ANKRD11: variants seen among roughly 807,000 people sequenced by gnomAD.
The protein encoded by ANKRD11 is ankyrin repeat domain 11, also known as ankyrin repeat domain-containing protein 11.
Under a neutral mutation model 195.7 loss-of-function variants are expected in ANKRD11, and 17 were observed. That is an observed-to-expected ratio of 0.09 (90% confidence interval 0.06 to 0.13). The LOEUF (loss-of-function observed/expected upper bound fraction) is 0.13. ANKRD11 is among the 10% of genes least tolerant of loss of function. The pLI is 1.00. For missense variants in ANKRD11, 3,735 were observed against 3,566.1 expected, an observed-to-expected ratio of 1.05 and a Z score of -1.21; for synonymous variants, 1,953 against 1,528.1, an observed-to-expected ratio of 1.28 and a Z score of -6.49.
chr16:89,275,755 C>A (rs1254366817), intron 9 of ANKRD11, among the ~76,000 whole-genome samples: 1 of 152,322 alleles, frequency 6.6e-6, no homozygotes, highest in East Asian at 1.9e-4. Flanking sequence ...CACTGCACTC[C>A]CACCAGCAGA....
chr16:89,372,697 T>C (rs2040246947), intron 2 of ANKRD11, among the ~76,000 whole-genome samples: 1 of 152,172 alleles, frequency 6.6e-6, no homozygotes. Flanking sequence ...CAACCCGAGC[T>C]GGTCAAATGC....
At chr16:89,433,302 A>T (rs1285580006) in intron 1 of ANKRD11, among the ~76,000 whole-genome samples, 2 of 152,230 alleles carry the variant, frequency 1.3e-5, no homozygotes, top group Non-Finnish European at 2.9e-5. Context: ...AGGCTCTTTC[A>T]GTCTGCTAAC....
intron 2 of ANKRD11, among the ~76,000 whole-genome samples, chr16:89,328,115 T>G (rs1209749795): frequency 1.3e-5 from 2 of 151,644 alleles, no homozygotes; most frequent in African/African-American, 4.9e-5. Flanking sequence ...CTCGACATCC[T>G]AAGCCGTTAG....
intron 2 of ANKRD11, among the ~76,000 whole-genome samples, chr16:89,338,078 A>G (rs540434746): frequency 6.6e-6 from 1 of 152,298 alleles, no homozygotes; most frequent in African/African-American, 2.4e-5. Flanking sequence ...TCTGCCACTC[A>G]GGAGCCCCAG....
intron 1 of ANKRD11, among the ~76,000 whole-genome samples, chr16:89,435,224 A>C (rs2043162191): frequency 6.6e-6 from 1 of 152,184 alleles, no homozygotes; most frequent in African/African-American, 2.4e-5. Context: ...AAGGTTTATA[A>C]ACTAACCAAT....
chr16:89,370,235 T>C (rs925203851), intron 2 of ANKRD11, among the ~76,000 whole-genome samples: 5 of 152,204 alleles, frequency 3.3e-5, no homozygotes, highest in Admixed American at 2.6e-4. Flanking sequence ...GGGGAGCCCA[T>C]GTCCAGGGGT....
intron 2 of ANKRD11, among the ~76,000 whole-genome samples, chr16:89,390,472 G>GA (rs1232573859): frequency 6.6e-6 from 1 of 152,084 alleles, no homozygotes; most frequent in African/African-American, 2.4e-5. Flanking sequence ...GTGGAGGGCA[G>GA]AAAAAAATAC....
At chr16:89,311,039 C>A (rs1597581391) in intron 3 of ANKRD11, among the ~76,000 whole-genome samples, 1 of 152,352 alleles carries the variant, frequency 6.6e-6, no homozygotes, top group East Asian at 1.9e-4. Context: ...TTCACAGATG[C>A]TCTCTGTCAG....
chr16:89,486,721 T>A (rs1380019062), intron 1 of ANKRD11, among the ~76,000 whole-genome samples: 1 of 152,042 alleles, frequency 6.6e-6, no homozygotes, highest in Admixed American at 6.6e-5. Context: ...AAATAACATT[T>A]GAGGCCAGGC....
intron 2 of ANKRD11, among the ~76,000 whole-genome samples, chr16:89,405,956 A>G (rs1278309618): frequency 6.6e-6 from 1 of 152,114 alleles, no homozygotes; most frequent in Non-Finnish European, 1.5e-5. Context: ...CTAAAAAGAC[A>G]AAAACTTACC....
rs371870143 is a variant in ANKRD11 at position 89,317,058 on chromosome 16, C to T, written c.-39G>A. 29 of 1,592,922 alleles carry T rather than the reference C, an allele frequency of 1.8e-5. No individual in the cohort carries two copies. The highest frequency in any genetic ancestry group is 5.6e-5 in the South Asian group (5 of 88,710). On this transcript the variant is annotated 5_prime_UTR_variant, in exon 3 of 13. Transcript: ENST00000301030. ...ACCCGATCTTCATTTACACGGCCGG[C>T]GCTTCATCATCAACCGTCTGCTTCA...
intron 2 of ANKRD11, among the ~76,000 whole-genome samples, chr16:89,379,917 T>C (rs2040573613): frequency 6.6e-6 from 1 of 152,176 alleles, no homozygotes; most frequent in Non-Finnish European, 1.5e-5. Context: ...GACACTGACC[T>C]TTTCAGTTTT....
At chr16:89,336,055 T>C (rs1428166324) in intron 2 of ANKRD11, among the ~76,000 whole-genome samples, 2 of 152,250 alleles carry the variant, frequency 1.3e-5, no homozygotes, top group Admixed American at 1.3e-4. Flanking sequence ...CCTTAGATAC[T>C]ATTCCTGCCA....
intron 2 of ANKRD11, among the ~76,000 whole-genome samples, chr16:89,349,596 T>C (rs1375408884): frequency 1.5e-4 from 23 of 152,106 alleles, no homozygotes; most frequent in Admixed American, 1.5e-3. Context: ...TAATTGAATA[T>C]CCTCATGCAA....
chr16:89,297,123 G>T (rs564333788), intron 4 of ANKRD11, among the ~76,000 whole-genome samples: 2 of 152,338 alleles, frequency 1.3e-5, no homozygotes, highest in Admixed American at 1.3e-4. Context: ...ACGTGGAGGT[G>T]TGTGGCCTCA....
chr16:89,281,764 T>C lies in ANKRD11; in HGVS notation c.4778A>G (p.Glu1593Gly). The change falls in exon 9 of 13, where the codon GAG becomes GGG. Residue 1593 changes from glutamate (E) to glycine (G), a missense_variant. Coordinates refer to ENST00000301030, the MANE Select transcript of ANKRD11 (RefSeq NM_013275.6). The surrounding 1 kb of genome is among the most constrained non-coding windows in gnomAD (Gnocchi z 5.5). ...GTGCCGCTTGTGGCGCTCCTCGATC[T>C]CCAGGTCCTTCTGGGACAGCATCCT... is the stretch of plus-strand genomic sequence containing the variant. ...FERMLSQKDLEIEERHKRHKE... is the reference protein window; with the variant it reads ...FERMLSQKDLGIEERHKRHKE... 1 of 1,614,010 alleles carries C rather than the reference T, an allele frequency of 6.2e-7. No homozygotes were observed. Among genetic ancestry groups the C allele is most frequent in the Non-Finnish European group, 8.5e-7 (1 of 1,180,004 alleles).
intron 2 of ANKRD11, among the ~76,000 whole-genome samples, chr16:89,405,524 G>T: frequency 6.7e-6 from 1 of 148,860 alleles, no homozygotes; most frequent in African/African-American, 2.5e-5. Flanking sequence ...GTAGAGACAG[G>T]GTTCTCACTA....
intron 3 of ANKRD11, among the ~76,000 whole-genome samples, chr16:89,309,305 T>C (rs1230456108): frequency 1.3e-5 from 2 of 152,160 alleles, no homozygotes; most frequent in East Asian, 1.9e-4. Context: ...GAGCAACTGA[T>C]GTCTCCCACG....
intron 2 of ANKRD11, among the ~76,000 whole-genome samples, chr16:89,417,467 C>T (rs551832545): frequency 4.3e-4 from 65 of 152,306 alleles, no homozygotes; most frequent in African/African-American, 1.5e-3. Context: ...CCTACAGCGA[C>T]ACGTGCTTGC....
Sources: allele counts gnomAD v4.1 joint callset (sites outside exome capture counted in the v4.1 genomes callset), GRCh38; gene constraint gnomAD v4.1.1; non-coding constraint Gnocchi (gnomAD v3.1); transcripts MANE v1.5; gene names NCBI Gene and HGNC (gene_info 2026-07-23, HGNC 2026-07-21).